ADCY8: variants seen among roughly 807,000 people sequenced by gnomAD.
ADCY8 encodes the protein adenylate cyclase 8, also known as adenylate cyclase type 8.
In ADCY8, 51 loss-of-function variants were observed where a neutral mutation model predicts 119.7. That is an observed-to-expected ratio of 0.43 (90% confidence interval 0.34 to 0.54). The LOEUF is 0.54. Ranked by LOEUF, ADCY8 falls within the 20% of genes least tolerant of loss-of-function variation. ADCY8 has a pLI of 0.03. For missense variants in ADCY8, 1,383 were observed against 1,598.8 expected (o/e 0.87, Z 2.30); for synonymous variants, 665 against 651.0 (o/e 1.02, Z -0.33).
At chr8:130,819,583 C>T (rs962606277) in intron 13 of ADCY8, among the ~76,000 whole-genome samples, 3 of 152,186 alleles carry the variant, frequency 2.0e-5, no homozygotes, top group African/African-American at 7.2e-5. Flanking sequence ...AGGGATTTCT[C>T]ACTTGTCAAT....
chr8:130,969,297 C>T (rs1821854535), intron 2 of ADCY8, among the ~76,000 whole-genome samples: 1 of 152,138 alleles, frequency 6.6e-6, no homozygotes, highest in Admixed American at 6.5e-5. Context: ...TGAACTGCAA[C>T]ATTGGCTCTT....
Position 130,943,340 on chromosome 8 carries a change from AT to A in ADCY8, c.1353+10del. On this transcript the variant is annotated intron_variant, in intron 4 of 17. Coordinates refer to ENST00000286355, the MANE Select transcript of ADCY8 (RefSeq NM_001115.3). ...CTGCAAAAGACGAGGAGGAAATTAA[AT>A]TCAACTCACATGGGCCAGTCGATCA... 1 of 1,601,058 alleles carries A rather than the reference AT, an allele frequency of 6.2e-7. No homozygotes were observed. The highest frequency in any genetic ancestry group is 8.6e-7 in the Non-Finnish European group (1 of 1,168,462).
intron 1 of ADCY8, among the ~76,000 whole-genome samples, chr8:131,032,552 T>C (rs1370975988): frequency 6.6e-6 from 1 of 152,104 alleles, no homozygotes; most frequent in African/African-American, 2.4e-5. Flanking sequence ...TAGTGGCATT[T>C]GCTGGTAGGT....
rs760070324 is a variant in ADCY8 at position 130,867,954 on chromosome 8, TA to T, written c.2110-9del. On this transcript the variant is annotated splice_polypyrimidine_tract_variant and intron_variant, in intron 8 of 17. Coordinates refer to ENST00000286355, the MANE Select transcript of ADCY8 (RefSeq NM_001115.3). ...ATCCCTCATTTGAGAATACTGTAAT[TA>T]AAAAAAGAGAGAATGAGTTACTTTG... The T allele has an allele frequency of 2.7e-5, 43 of 1,589,460 alleles. No homozygotes were observed. Among genetic ancestry groups the T allele is most frequent in the Non-Finnish European group, 3.4e-5 (39 of 1,162,362 alleles).
intron 2 of ADCY8, among the ~76,000 whole-genome samples, chr8:130,981,050 T>C (rs750394285): frequency 1.6e-4 from 25 of 152,218 alleles, no homozygotes; most frequent in African/African-American, 5.8e-4. Context: ...AATCTGTTCA[T>C]GATAAGCAAG....
chr8:130,905,993 C>A (rs1391211636), intron 6 of ADCY8, among the ~76,000 whole-genome samples: 1 of 152,196 alleles, frequency 6.6e-6, no homozygotes, highest in Non-Finnish European at 1.5e-5. Context: ...TTGCAAAGAA[C>A]ATGTGAAAAA....
intron 11 of ADCY8, among the ~76,000 whole-genome samples, chr8:130,837,075 C>T (rs1232514611): frequency 6.6e-6 from 1 of 152,122 alleles, no homozygotes; most frequent in Non-Finnish European, 1.5e-5. Flanking sequence ...AGCCTTCTTC[C>T]ACACTGTTTC....
chr8:131,001,446 C>T lies in ADCY8; in HGVS notation c.961-10904G>A, dbSNP rs138591753. 4.7e-3 allele frequency among the ~76,000 whole-genome samples: 713 copies of T among 151,954 alleles called. 6 individuals carry two copies. The highest frequency in any genetic ancestry group is 0.011 in the African/African-American group (450 of 41,438). On this transcript the variant is annotated intron_variant, in intron 1 of 17. Coordinates refer to ENST00000286355, the MANE Select transcript of ADCY8 (RefSeq NM_001115.3). ...AGTTTAGGCAAGTCACTTTATGTCT[C>T]GATGAGCCTCAACTTTCTGATCTGA...
intron 15 of ADCY8, among the ~76,000 whole-genome samples, chr8:130,788,130 T>G (rs1815315245): frequency 6.6e-6 from 1 of 152,198 alleles, no homozygotes; most frequent in African/African-American, 2.4e-5. Context: ...TTAAGTTGAT[T>G]TCATATCCTG....
chr8:130,989,432 G>C (rs1432919346), intron 2 of ADCY8, among the ~76,000 whole-genome samples: 3 of 151,826 alleles, frequency 2.0e-5, no homozygotes, highest in Admixed American at 2.0e-4. Flanking sequence ...TATGATTTTT[G>C]CAAACTATTA....
Position 131,039,473 on chromosome 8 carries a change from C to T in ADCY8, c.861G>A (p.Leu287=). 1.9e-6 allele frequency: 3 copies of T among 1,614,120 alleles called. No homozygotes were observed. The highest frequency in any genetic ancestry group is 2.5e-6 in the Non-Finnish European group (3 of 1,180,042). The change falls in exon 1 of 18, where the codon CTG becomes CTA. Residue 287 remains leucine (L), a synonymous_variant. Transcript: ENST00000286355. ...TLFATYSMLP[L]PLTWAILAGL... ...CGGCCAGGATGGCCCAGGTGAGCGG[C>T]AGCGGCAGCATACTGTAGGTGGCGA...
At chr8:130,861,089 A>T (rs889431510) in intron 9 of ADCY8, among the ~76,000 whole-genome samples, 3 of 152,192 alleles carry the variant, frequency 2.0e-5, no homozygotes, top group Admixed American at 1.3e-4. Context: ...TTTCTTTAGC[A>T]TCATACTGTA....
intron 2 of ADCY8, among the ~76,000 whole-genome samples, chr8:130,989,718 T>C (rs1822516779): frequency 6.6e-6 from 1 of 152,206 alleles, no homozygotes; most frequent in African/African-American, 2.4e-5. Context: ...AAATCTTTAT[T>C]CTTTGAAAGT....
chr8:130,821,944 T>G (rs920778469), intron 12 of ADCY8, among the ~76,000 whole-genome samples: 2 of 152,164 alleles, frequency 1.3e-5, no homozygotes, highest in African/African-American at 4.8e-5. Flanking sequence ...GAGTCAAATC[T>G]GTGAATACCT....
chr8:131,031,067 T>G (rs1161768820), intron 1 of ADCY8, among the ~76,000 whole-genome samples: 1 of 152,172 alleles, frequency 6.6e-6, no homozygotes, highest in Non-Finnish European at 1.5e-5. Context: ...AGGGATATAA[T>G]AAAGGATTCC....
At chr8:130,899,397 G>A (rs1819518557) in intron 7 of ADCY8, among the ~76,000 whole-genome samples, 1 of 152,142 alleles carries the variant, frequency 6.6e-6, no homozygotes, top group Admixed American at 6.5e-5. Flanking sequence ...TTTGAGGTCA[G>A]GAGTTCGTGA....
chr8:131,025,453 C>A (rs1036898927), intron 1 of ADCY8, among the ~76,000 whole-genome samples: 5 of 152,114 alleles, frequency 3.3e-5, no homozygotes, highest in African/African-American at 4.8e-5. Flanking sequence ...AACAGCAATA[C>A]TGATGCGAAT....
chr8:130,784,940 C>T (rs1302547436), intron 16 of ADCY8, among the ~76,000 whole-genome samples: 1 of 152,090 alleles, frequency 6.6e-6, no homozygotes, highest in Non-Finnish European at 1.5e-5. Flanking sequence ...ATCCATTAAC[C>T]CTGGAAGGTA....
chr8:131,040,301 G>T lies in ADCY8; in HGVS notation c.33C>A (p.Gly11=). Residue 11 remains glycine, a synonymous_variant, in exon 1 of 18, where the codon GGC becomes GGA. Coordinates refer to ENST00000286355, the MANE Select transcript of ADCY8 (RefSeq NM_001115.3). ...GGTGGATGGTGTAGAGTTCCTCGCTGCCTGTAAGGCAGCGCACATCGGAGA... is the reference window on the plus strand; with the variant it reads ...GGTGGATGGTGTAGAGTTCCTCGCTTCCTGTAAGGCAGCGCACATCGGAGA... MELSDVRCLT[G]SEELYTIHPT... is the part of the protein sequence containing the mutation. 3 of 1,543,580 alleles carry T rather than the reference G, an allele frequency of 1.9e-6. No homozygotes were observed. Among genetic ancestry groups the T allele is most frequent in the South Asian group, 2.4e-5 (2 of 85,060 alleles).
Sources: allele counts gnomAD v4.1 joint callset (sites outside exome capture counted in the v4.1 genomes callset), GRCh38; gene constraint gnomAD v4.1.1; transcripts MANE v1.5; gene names NCBI Gene and HGNC (gene_info 2026-07-23, HGNC 2026-07-21).